The following ESRRG variants were observed in gnomAD, a reference collection of about 807,000 sequenced individuals.
ESRRG encodes the protein estrogen related receptor gamma.
A neutral mutation model predicts 44.0 loss-of-function variants in ESRRG; 13 were observed. The observed-to-expected ratio is 0.30, with a 90% CI of 0.19 to 0.47. The LOEUF (loss-of-function observed/expected upper bound fraction) is 0.47, where lower values mean the gene tolerates loss of function less well. Ranked by LOEUF, ESRRG falls within the 20% of genes least tolerant of loss-of-function variation. ESRRG has a pLI of 1.00. For synonymous variants in ESRRG, 215 were observed against 214.6 expected (o/e 1.00, Z -0.02); for missense variants, 395 against 580.6 (o/e 0.68, Z 3.29).
chr1:216,708,444 T>C (rs538922776), intron 1 of ESRRG, among the ~76,000 whole-genome samples: 12 of 152,314 alleles, frequency 7.9e-5, no homozygotes, highest in African/African-American at 2.6e-4. Context: ...TTTGGACACA[T>C]TTTTGGAGTG....
At position 216,536,956 on chromosome 1, in the gene ESRRG, G is replaced by A. The variant is rs183543336; in HGVS notation, c.863-17535C>T. Among the ~76,000 whole-genome samples the A allele has an allele frequency of 7.3e-3, 1,104 of 152,142 alleles. 12 individuals carry two copies. Among genetic ancestry groups the A allele is most frequent in the Non-Finnish European group, 9.0e-3 (614 of 67,980 alleles). ...GATGGGGCATGGGGAAAGAGGAGCT[G>A]CTGTTGTAAGCAGTGGGAGAGGGGG... is the stretch of plus-strand genomic sequence containing the variant. On this transcript the variant is annotated intron_variant, in intron 5 of 6. Coordinates refer to ENST00000408911, the MANE Select transcript of ESRRG (RefSeq NM_001438.4).
intron 5 of ESRRG, among the ~76,000 whole-genome samples, chr1:216,528,726 C>G (rs1162041417): frequency 1.3e-5 from 2 of 152,054 alleles, no homozygotes; most frequent in East Asian, 3.9e-4. Flanking sequence ...CACTAAAAAA[C>G]TTGCAAGAAG....
At position 216,572,373 on chromosome 1, in the gene ESRRG, T is replaced by C. The variant is rs1381437952; in HGVS notation, c.590-4275A>G. 2.6e-5 allele frequency among the ~76,000 whole-genome samples: 4 copies of C among 152,216 alleles called. No homozygotes were observed. In the South Asian group the frequency reaches 8.3e-4, roughly 32 times the overall value. Reference sequence around the variant, plus strand: ...CCAAAAGTTAAAACAGTCCAAAATATGTATTCAAACATGTGGACAAAGCCT... The same window carrying C: ...CCAAAAGTTAAAACAGTCCAAAATACGTATTCAAACATGTGGACAAAGCCT... On this transcript the variant is annotated intron_variant, in intron 3 of 6. Coordinates refer to ENST00000408911, the MANE Select transcript of ESRRG (RefSeq NM_001438.4).
chr1:216,625,621 T>C (rs926287840), intron 3 of ESRRG, among the ~76,000 whole-genome samples: 4 of 152,126 alleles, frequency 2.6e-5, no homozygotes, highest in African/African-American at 9.7e-5. Context: ...AGTAGACTGC[T>C]CAACTCCAAA....
At chr1:216,849,093 A>G (rs2095803310) in intron 2 of ESRRG, among the ~76,000 whole-genome samples, 1 of 152,190 alleles carries the variant, frequency 6.6e-6, no homozygotes, top group Non-Finnish European at 1.5e-5. Flanking sequence ...TATTGCCACA[A>G]TTATACATAT....
intron 1 of ESRRG, among the ~76,000 whole-genome samples, chr1:216,996,076 T>G (rs1427435977): frequency 6.6e-6 from 1 of 151,810 alleles, no homozygotes; most frequent in East Asian, 1.9e-4. Flanking sequence ...GCTAAAAGAG[T>G]TTTAGGCATG....
intron 1 of ESRRG, among the ~76,000 whole-genome samples, chr1:216,962,393 A>T (rs1480182808): frequency 6.6e-6 from 1 of 152,120 alleles, no homozygotes; most frequent in African/African-American, 2.4e-5. Context: ...TAGTGTAGCT[A>T]AGTGCCTAAA....
rs544132931 is a variant in ESRRG at position 216,577,777 on chromosome 1, T to A, written c.590-9679A>T. Among the ~76,000 whole-genome samples, 196 of 151,470 alleles carry A rather than the reference T, an allele frequency of 1.3e-3. 2 individuals are homozygous for A. The South Asian group carries it at 0.021, about 16-fold the overall frequency. ...CATGGATTTAAAATATAGATTTTTT[T>A]AAAAAAAAAGGAAATAGATGGCAGA... On this transcript the variant is annotated intron_variant, in intron 3 of 6. Transcript: ENST00000408911.
At chr1:216,590,926 C>A (rs1011068840) in intron 3 of ESRRG, among the ~76,000 whole-genome samples, 1 of 152,116 alleles carries the variant, frequency 6.6e-6, no homozygotes, top group Non-Finnish European at 1.5e-5. Flanking sequence ...TGACCACAAC[C>A]CTGCGATAAG....
At chr1:216,757,680 A>C (rs1458764000) in intron 2 of ESRRG, among the ~76,000 whole-genome samples, 1 of 152,012 alleles carries the variant, frequency 6.6e-6, no homozygotes, top group Non-Finnish European at 1.5e-5. Flanking sequence ...ACAATCTAAC[A>C]ACCTTTCTAT....
chr1:216,776,283 C>G (rs2093610481), intron 2 of ESRRG, among the ~76,000 whole-genome samples: 1 of 152,078 alleles, frequency 6.6e-6, no homozygotes, highest in African/African-American at 2.4e-5. Flanking sequence ...GTCCTTTGCA[C>G]ATACGGCAAC....
At chr1:216,854,962 T>C (rs1353364027) in intron 2 of ESRRG, 1 of 152,200 alleles carries the variant, frequency 6.6e-6, no homozygotes, top group Non-Finnish European at 1.5e-5. Context: ...GTTGCTCAAC[T>C]TTTGGTCACA....
intron 3 of ESRRG, among the ~76,000 whole-genome samples, chr1:216,587,451 A>C (rs2056863739): frequency 6.6e-6 from 1 of 152,214 alleles, no homozygotes; most frequent in African/African-American, 2.4e-5. Context: ...TAGTTAAAGT[A>C]GATGTCTATC....
intron 1 of ESRRG, among the ~76,000 whole-genome samples, chr1:217,020,912 T>C (rs1411681897): frequency 6.6e-6 from 1 of 152,062 alleles, no homozygotes; most frequent in African/African-American, 2.4e-5. Context: ...AAAGATACTT[T>C]GAGAAGAAAT....
chr1:217,061,163 C>G (rs2088389108), intron 1 of ESRRG, among the ~76,000 whole-genome samples: 1 of 151,892 alleles, frequency 6.6e-6, no homozygotes, highest in Non-Finnish European at 1.5e-5. Flanking sequence ...TTGTTCAAGA[C>G]AAAGACAAAA....
At chr1:216,610,935 C>A (rs914089380) in intron 3 of ESRRG, among the ~76,000 whole-genome samples, 1 of 151,970 alleles carries the variant, frequency 6.6e-6, no homozygotes, top group African/African-American at 2.4e-5. Flanking sequence ...AGAGGAGTAA[C>A]TAACATTGCA....
intron 5 of ESRRG, among the ~76,000 whole-genome samples, chr1:216,547,378 G>A (rs1260984073): frequency 2.0e-5 from 3 of 151,950 alleles, no homozygotes; most frequent in African/African-American, 7.3e-5. Context: ...TTCAATGTTA[G>A]TCCATTTGTT....
intron 2 of ESRRG, among the ~76,000 whole-genome samples, chr1:216,832,328 G>A (rs1209695756): frequency 2.0e-5 from 3 of 152,088 alleles, no homozygotes; most frequent in South Asian, 2.1e-4. Flanking sequence ...ATTGACTGAC[G>A]CTGCTAAGCT....
chr1:216,518,646 C>G, intron 6 of ESRRG, among the ~76,000 whole-genome samples: 1 of 152,150 alleles, frequency 6.6e-6, no homozygotes, highest in East Asian at 1.9e-4. Flanking sequence ...TCCCATAATT[C>G]TTAACCCTTA....
Sources: allele counts gnomAD v4.1 joint callset (sites outside exome capture counted in the v4.1 genomes callset), GRCh38; gene constraint gnomAD v4.1.1; transcripts MANE v1.5; gene names NCBI Gene and HGNC (gene_info 2026-07-23, HGNC 2026-07-21).